The following TENM3 variants were observed in gnomAD, a reference collection of about 807,000 sequenced individuals.
The protein encoded by TENM3 is teneurin-3.
A neutral mutation model predicts 255.1 loss-of-function variants in TENM3; 63 were observed. The ratio of observed to expected loss-of-function variants is 0.25; its 90% CI spans 0.20 to 0.30. The LOEUF (loss-of-function observed/expected upper bound fraction) is 0.30, where lower values mean the gene tolerates loss of function less well. TENM3 is among the 10% of genes least tolerant of loss of function. The pLI is 1.00. For missense variants in TENM3, 2,929 were observed against 3,461.1 expected (o/e 0.85, Z 3.86); for synonymous variants, 1,306 against 1,322.3 (o/e 0.99, Z 0.27).
intron 2 of TENM3, among the ~76,000 whole-genome samples, chr4:182,324,600 C>G (rs987627133): frequency 2.0e-5 from 3 of 152,192 alleles, no homozygotes; most frequent in Non-Finnish European, 4.4e-5. Context: ...AAGGTGCTCA[C>G]AGACATTGTG....
chr4:182,398,467 C>T (rs1769002498), intron 3 of TENM3, among the ~76,000 whole-genome samples: 1 of 152,192 alleles, frequency 6.6e-6, no homozygotes, highest in Non-Finnish European at 1.5e-5. Context: ...TGTTGACTGA[C>T]TGCCCAGTAT....
chr4:181,585,415 G>C, the TENM3 span, among the ~76,000 whole-genome samples: 1 of 152,164 alleles, frequency 6.6e-6, no homozygotes, highest in East Asian at 1.9e-4. Context: ...TGGAGGAAAG[G>C]GATCAGAAAG....
chr4:182,704,607 C>T (rs1334682175), intron 12 of TENM3, among the ~76,000 whole-genome samples: 1 of 152,050 alleles, frequency 6.6e-6, no homozygotes, highest in Non-Finnish European at 1.5e-5. Flanking sequence ...AAATACCGTT[C>T]CAAGTTGAAG....
At chr4:181,569,410 G>T in the TENM3 span, among the ~76,000 whole-genome samples, 77 of 152,272 alleles carry the variant, frequency 5.1e-4, no homozygotes, top group Non-Finnish European at 8.2e-4. Context: ...TTGTGCCTTT[G>T]TGTGTACATT....
At chr4:181,943,407 T>G in the TENM3 span, among the ~76,000 whole-genome samples, 1 of 152,124 alleles carries the variant, frequency 6.6e-6, no homozygotes, top group African/African-American at 2.4e-5. Context: ...TTTCCAAAAT[T>G]TTGTCAAAAA....
intron 12 of TENM3, among the ~76,000 whole-genome samples, chr4:182,692,055 A>G (rs1757048964): frequency 6.6e-6 from 1 of 152,226 alleles, no homozygotes; most frequent in South Asian, 2.1e-4. Context: ...ATATAATGAA[A>G]TGTTTTTTAA....
chr4:181,462,617 T>G, the TENM3 span, among the ~76,000 whole-genome samples: 1 of 152,242 alleles, frequency 6.6e-6, no homozygotes, highest in South Asian at 2.1e-4. Context: ...TGGTCCATGT[T>G]ACTAAATTGT....
At chr4:182,608,323 G>A (rs980920649) in intron 4 of TENM3, among the ~76,000 whole-genome samples, 2 of 152,022 alleles carry the variant, frequency 1.3e-5, no homozygotes, top group African/African-American at 2.4e-5. Flanking sequence ...GCACAATCAC[G>A]GCTCCCAGCA....
At chr4:181,517,921 A>G in the TENM3 span, among the ~76,000 whole-genome samples, 1 of 152,202 alleles carries the variant, frequency 6.6e-6, no homozygotes, top group East Asian at 1.9e-4. Context: ...AGCCCTTTCC[A>G]GCACGCTCAG....
the TENM3 span, among the ~76,000 whole-genome samples, chr4:181,888,534 G>GTA: frequency 2.2e-5 from 1 of 45,584 alleles, no homozygotes; most frequent in African/African-American, 1.0e-4. Flanking sequence ...ATACATATAT[G>GTA]TGTATATATA....
chr4:182,709,452 A>G (rs112510357), intron 12 of TENM3, among the ~76,000 whole-genome samples: 527 of 152,344 alleles, frequency 3.5e-3, no homozygotes, highest in Non-Finnish European at 5.4e-3. Flanking sequence ...GCAACCTAAT[A>G]TGCATTTCAG....
intron 3 of TENM3, among the ~76,000 whole-genome samples, chr4:182,399,101 A>G (rs751122940): frequency 2.0e-5 from 3 of 152,222 alleles, no homozygotes; most frequent in Non-Finnish European, 2.9e-5. Context: ...TTTCAGATGC[A>G]TTGACTAATA....
At chr4:181,681,070 TAATAAGAA>T in the TENM3 span, among the ~76,000 whole-genome samples, 1 of 152,052 alleles carries the variant, frequency 6.6e-6, no homozygotes, top group Non-Finnish European at 1.5e-5. Flanking sequence ...TTCTTTTAGC[TAATAAGAA>T]AACTAGCATA....
chr4:181,478,606 A>C, the TENM3 span, among the ~76,000 whole-genome samples: 1 of 152,170 alleles, frequency 6.6e-6, no homozygotes, highest in Non-Finnish European at 1.5e-5. Flanking sequence ...ATTTTCCTTG[A>C]AGACAGATCT....
At chr4:182,052,933 A>C in the TENM3 span, among the ~76,000 whole-genome samples, 1 of 152,268 alleles carries the variant, frequency 6.6e-6, no homozygotes, top group South Asian at 2.1e-4. Context: ...TTTAGGCCTT[A>C]AAGTCCTGAT....
chr4:181,570,266 C>T, the TENM3 span, among the ~76,000 whole-genome samples: 2 of 151,992 alleles, frequency 1.3e-5, no homozygotes, highest in Admixed American at 1.3e-4. Flanking sequence ...AGGATGGTCT[C>T]GATCTCCTGA....
the TENM3 span, among the ~76,000 whole-genome samples, chr4:181,689,674 T>C: frequency 6.6e-6 from 1 of 152,256 alleles, no homozygotes; most frequent in East Asian, 1.9e-4. Flanking sequence ...GACATTTTTC[T>C]TTCAGCCTTT....
At chr4:182,407,819 TC>T (rs1469004972) in intron 3 of TENM3, among the ~76,000 whole-genome samples, 3 of 152,248 alleles carry the variant, frequency 2.0e-5, no homozygotes, top group Non-Finnish European at 4.4e-5. Flanking sequence ...CTTTATGCTA[TC>T]CTCAGGAATT....
chr4:181,624,001 A>T, the TENM3 span, among the ~76,000 whole-genome samples: 1 of 152,228 alleles, frequency 6.6e-6, no homozygotes. Context: ...GAGCACAAGC[A>T]TTTAAAGAGG....
Sources: gnomAD v4.1 joint callset for allele counts (sites outside exome capture counted in the v4.1 genomes callset) on GRCh38, gnomAD v4.1.1 for gene constraint, MANE v1.5 for transcripts, NCBI Gene and HGNC (gene_info 2026-07-23, HGNC 2026-07-21) for gene names.